The following MSI1 variants were observed in gnomAD, a reference collection of about 807,000 sequenced individuals.
MSI1 encodes RNA-binding protein Musashi homolog 1.
In MSI1, 15 loss-of-function variants were observed where a neutral mutation model predicts 54.4. The ratio of observed to expected loss-of-function variants is 0.28; its 90% CI spans 0.18 to 0.42. The LOEUF (loss-of-function observed/expected upper bound fraction) is 0.42. MSI1 is among the 20% of genes least tolerant of loss of function. The pLI is 1.00. For missense variants in MSI1, 304 were observed against 506.0 expected (o/e 0.60, Z 3.83); for synonymous variants, 200 against 196.5 (o/e 1.02, Z -0.15).
rs1307535150 is a variant in MSI1 at position 120,368,185 on chromosome 12, G to C, written c.182+7C>G. 2 of 1,579,910 alleles carry C rather than the reference G, an allele frequency of 1.3e-6. No homozygotes were observed. Among genetic ancestry groups the C allele is most frequent in the African/African-American group, 2.7e-5 (2 of 74,232 alleles). On this transcript the variant is annotated splice_region_variant and intron_variant, in intron 3 of 14. Transcript: ENST00000257552. This position sits in a 1 kb window ranked among gnomAD's most constrained non-coding sequence, Gnocchi z 6.6. ...CCGGGAGCAGGAGGAGGGGGTGAGG[G>C]GCTCACCTGGATCTCTTGGTCAGGG...
chr12:120,361,043 T>G (rs1485632695), intron 6 of MSI1, among the ~76,000 whole-genome samples: 1 of 150,088 alleles, frequency 6.7e-6, no homozygotes, highest in East Asian at 1.9e-4. Context: ...TAGCTATTAT[T>G]ATTATCTTTA....
intron 11 of MSI1, 99 bp downstream of exon 11, chr12:120,351,245 G>T: frequency 8.6e-7 from 1 of 1,158,638 alleles, no homozygotes. Context: ...CTGGCGGGCA[G>T]GAGAAAAGGA....
intron 11 of MSI1, among the ~76,000 whole-genome samples, chr12:120,350,808 A>G (rs770488252): frequency 1.8e-4 from 27 of 152,234 alleles, no homozygotes; most frequent in Non-Finnish European, 3.2e-4. Context: ...CATTTGGCTC[A>G]CAGTGTTTTA....
rs1021569455 is a variant in MSI1, at chr12:120,356,519, G to C, written c.652+383C>G. On this transcript the variant is annotated intron_variant, in intron 9 of 14. Transcript: ENST00000257552. ...ATCTTCTTACTTGTTTTCCCTGCCA[G>C]ATTGTAAAGAAAGTCATTGTTGCAG... Among the ~76,000 whole-genome samples, 5 of 152,180 alleles carry C rather than the reference G, an allele frequency of 3.3e-5. 1 individual carries two copies. The highest frequency in any genetic ancestry group is 5.9e-5 in the Non-Finnish European group (4 of 68,038).
At position 120,368,223 on chromosome 12, in the gene MSI1, C is replaced by G; in HGVS notation, c.151G>C (p.Val51Leu). ...CTCTTGGTCAGGGGGTCCCGCATCA[C>G]CAGACACTCCTTCACCTCCCCGAAC... ...GQFGEVKECLVMRDPLTKRSR... is the reference protein window; with the variant it reads ...GQFGEVKECLLMRDPLTKRSR... Residue 51 changes from valine to leucine, a missense_variant, in exon 3 of 15, where the codon GTG becomes CTG. Val to Leu is a conservative substitution (Grantham distance 32). This residue lies in a region of MSI1 where 105 missense variants were observed against 230.1 expected (regional missense o/e 0.46). Transcript: ENST00000257552. This position sits in a 1 kb window ranked among gnomAD's most constrained non-coding sequence, Gnocchi z 6.6. 6.3e-7 allele frequency: 1 copy of G among 1,589,742 alleles called. No homozygotes were observed. The highest frequency in any genetic ancestry group is 1.1e-5 in the South Asian group (1 of 87,890).
chr12:120,346,642 G>C (rs1044149757), intron 12 of MSI1, among the ~76,000 whole-genome samples: 1 of 151,930 alleles, frequency 6.6e-6, no homozygotes, highest in African/African-American at 2.4e-5. Flanking sequence ...CACCACCCGG[G>C]CTCCTCCTGC....
intron 4 of MSI1, among the ~76,000 whole-genome samples, chr12:120,366,725 G>A (rs904643064): frequency 6.6e-6 from 1 of 151,984 alleles, no homozygotes; most frequent in African/African-American, 2.4e-5. Context: ...GCTGGAGGAC[G>A]CCAAACACAG....
chr12:120,367,570 G>C (rs1341304837), intron 4 of MSI1, among the ~76,000 whole-genome samples: 1 of 152,090 alleles, frequency 6.6e-6, no homozygotes, highest in Non-Finnish European at 1.5e-5. Context: ...GGGGCTTCAA[G>C]GGATGCTTTG....
At chr12:120,360,824 CTT>C (rs5801379) in intron 6 of MSI1, among the ~76,000 whole-genome samples, 165 of 145,922 alleles carry the variant, frequency 1.1e-3, no homozygotes, top group Non-Finnish European at 1.1e-3. Context: ...TGAAAGACAC[CTT>C]TTTTTTTTTT....
chr12:120,365,413 G>C (rs1306997913), intron 4 of MSI1, among the ~76,000 whole-genome samples: 1 of 152,160 alleles, frequency 6.6e-6, no homozygotes, highest in African/African-American at 2.4e-5. Context: ...CATTTGGCAT[G>C]GTGTCTAGCT....
intron 14 of MSI1, among the ~76,000 whole-genome samples, chr12:120,345,023 A>C (rs1472082933): frequency 6.6e-6 from 1 of 151,782 alleles, no homozygotes; most frequent in African/African-American, 2.4e-5. Flanking sequence ...TACAAAAATA[A>C]AATAAAATAA....
chr12:120,357,449 C>T (rs1255495734), intron 8 of MSI1, among the ~76,000 whole-genome samples: 1 of 152,170 alleles, frequency 6.6e-6, no homozygotes, highest in Non-Finnish European at 1.5e-5. Context: ...ACAAGGAGCC[C>T]CAGTCTTCTC....
Position 120,368,778 on chromosome 12 carries a change from G to T in MSI1, c.100+55C>A. 1 of 1,363,190 alleles carries T rather than the reference G, an allele frequency of 7.3e-7. No homozygotes were observed. The highest frequency in any genetic ancestry group is 9.6e-7 in the Non-Finnish European group (1 of 1,040,810). 84.4% of individuals were successfully genotyped at this position (1,363,190 alleles called of 1,614,324 possible). ...GGGCTGGGGTGTCCGGGTCCGGGGC[G>T]CCGGGGGGTCCGGGGTGCCCTGCCG... On this transcript the variant is annotated intron_variant, in intron 2 of 14. Coordinates refer to ENST00000257552, the MANE Select transcript of MSI1 (RefSeq NM_002442.4). This position sits in a 1 kb window ranked among gnomAD's most constrained non-coding sequence, Gnocchi z 6.6.
Position 120,351,270 on chromosome 12 carries a change from C to A in MSI1, c.790+74G>T, listed in dbSNP as rs1398880028. On this transcript the variant is annotated intron_variant, in intron 11 of 14. Coordinates refer to ENST00000257552, the MANE Select transcript of MSI1 (RefSeq NM_002442.4). ...GGAGAAAAGGATCCCGCTAGCTTTC[C>A]CCAGGAAACTCCCTGGGCCCCTTCT... 13 of 1,381,130 alleles carry A rather than the reference C, an allele frequency of 9.4e-6. No homozygotes were observed. In the African/African-American group the frequency reaches 1.7e-4, roughly 18 times the overall value. The allele number at this position is 1,381,130 out of a possible 1,614,324, so 85.6% of individuals were successfully genotyped here. A position where few individuals can be genotyped will look rare whatever the true frequency, so the allele number is the denominator to read the frequency against.
chr12:120,351,229 G>C (rs192556766), intron 11 of MSI1, 115 bp downstream of exon 11: 1 of 1,017,804 alleles, frequency 9.8e-7, no homozygotes, highest in Admixed American at 2.0e-5. Flanking sequence ...CCCCACAGCC[G>C]GAGGGCTGGC....
intron 6 of MSI1, chr12:120,361,592 G>C (rs1047310610): frequency 2.0e-5 from 3 of 152,552 alleles, no homozygotes; most frequent in Admixed American, 1.3e-4. Flanking sequence ...GGATCGGGCG[G>C]GGGGAGGGGA....
chr12:120,343,810 T>G (rs189011081), intron 14 of MSI1, among the ~76,000 whole-genome samples: 5 of 152,200 alleles, frequency 3.3e-5, no homozygotes, highest in Non-Finnish European at 5.9e-5. Flanking sequence ...ACCATCTGGA[T>G]AGACACTGTG....
Position 120,357,796 on chromosome 12 carries a change from T to C in MSI1, c.534+20A>G. The C allele has an allele frequency of 6.2e-7, 1 of 1,613,016 alleles. No individual in the cohort carries two copies. Among genetic ancestry groups the C allele is most frequent in the Non-Finnish European group, 8.5e-7 (1 of 1,179,488 alleles). On this transcript the variant is annotated intron_variant, in intron 8 of 14. Coordinates refer to ENST00000257552, the MANE Select transcript of MSI1 (RefSeq NM_002442.4). ...TGCTTGGCTTACAGGCGTGAGCCAC[T>C]GCGCCCGGACCCAACTCACCATTTT...
intron 4 of MSI1, among the ~76,000 whole-genome samples, chr12:120,365,240 T>G (rs909369809): frequency 6.6e-6 from 1 of 152,188 alleles, no homozygotes; most frequent in African/African-American, 2.4e-5. Context: ...AACGTCCCAC[T>G]GCTGGGTTCA....
Sources: gnomAD v4.1 joint callset for allele counts (sites outside exome capture counted in the v4.1 genomes callset) on GRCh38, gnomAD v4.1.1 for gene constraint, gnomAD v4.1.1 regional missense constraint, Gnocchi (gnomAD v3.1) non-coding constraint, MANE v1.5 for transcripts, NCBI Gene and HGNC (gene_info 2026-07-23, HGNC 2026-07-21) for gene names.